The following MAP3K9 variants were observed in gnomAD, a reference collection of about 807,000 sequenced individuals.
MAP3K9 encodes the protein mitogen-activated protein kinase kinase kinase 9.
In MAP3K9, 46 loss-of-function variants were observed where a neutral mutation model predicts 95.8. That is an observed-to-expected ratio of 0.48 (90% CI 0.38 to 0.61). The LOEUF is 0.61. Ranked by LOEUF, MAP3K9 falls within the 20% of genes least tolerant of loss-of-function variation. MAP3K9 has a pLI of 0.00. For missense variants in MAP3K9, 1,296 were observed against 1,474.3 expected (o/e 0.88, Z 1.98); for synonymous variants, 533 against 593.8 (o/e 0.90, Z 1.49).
At chr14:70,776,997 AT>A (rs1407000167) in intron 2 of MAP3K9, among the ~76,000 whole-genome samples, 1 of 151,866 alleles carries the variant, frequency 6.6e-6, no homozygotes, top group African/African-American at 2.4e-5. Context: ...CACCCGGCTA[AT>A]TTTTCTATTT....
chr14:70,784,031 C>T, intron 2 of MAP3K9, among the ~76,000 whole-genome samples: 1 of 152,004 alleles, frequency 6.6e-6, no homozygotes, highest in East Asian at 1.9e-4. Context: ...CGCCTGTAAT[C>T]CCAGCACTTT....
intron 2 of MAP3K9, among the ~76,000 whole-genome samples, chr14:70,779,810 G>C (rs915033010): frequency 6.6e-6 from 1 of 152,232 alleles, no homozygotes; most frequent in Non-Finnish European, 1.5e-5. Context: ...ACGCGGCTCA[G>C]TCCTGCATTC....
At chr14:70,777,053 A>T (rs1594798557) in intron 2 of MAP3K9, among the ~76,000 whole-genome samples, 2 of 150,794 alleles carry the variant, frequency 1.3e-5, no homozygotes, top group African/African-American at 4.9e-5. Context: ...CTGGTCTCGA[A>T]CTCCTTACCT....
intron 5 of MAP3K9, among the ~76,000 whole-genome samples, chr14:70,745,203 G>A (rs899360746): frequency 5.3e-5 from 8 of 152,028 alleles, no homozygotes; most frequent in Non-Finnish European, 1.2e-4. Context: ...TTCTGTGGTC[G>A]AAACCTAACT....
At chr14:70,743,983 A>G (rs542672960) in intron 5 of MAP3K9, among the ~76,000 whole-genome samples, 28 of 152,368 alleles carry the variant, frequency 1.8e-4, no homozygotes, top group Non-Finnish European at 2.4e-4. Flanking sequence ...AGACTGGATA[A>G]AGAAAATGTG....
chr14:70,795,337 C>T (rs1389416295), intron 2 of MAP3K9, among the ~76,000 whole-genome samples: 1 of 150,136 alleles, frequency 6.7e-6, no homozygotes, highest in Non-Finnish European at 1.5e-5. Context: ...GAGATAGAGT[C>T]TCACTCTGTC....
At chr14:70,758,503 G>A (rs1330919106) in intron 3 of MAP3K9, among the ~76,000 whole-genome samples, 1 of 152,126 alleles carries the variant, frequency 6.6e-6, no homozygotes, top group Non-Finnish European at 1.5e-5. Flanking sequence ...TCCTCAAAAA[G>A]TTAAACATAG....
In MAP3K9 at chr14:70,809,374, G is replaced by A; in HGVS notation, c.-203C>T. 1.7e-6 allele frequency: 1 copy of A among 590,934 alleles called. No individual in the cohort carries two copies. Among genetic ancestry groups the A allele is most frequent in the Non-Finnish European group, 2.5e-6 (1 of 405,674 alleles). 36.6% of individuals were successfully genotyped at this position (590,934 alleles called of 1,614,324 possible). On this transcript the variant is annotated 5_prime_UTR_variant, in exon 1 of 12. Transcript: ENST00000554752. Reference sequence around the variant, plus strand: ...GAAGAGCGCCGAGCGCGAGCTCTTCGCGCAGCCTAGGGGCGCAGCGGGCCG... The same window carrying A: ...GAAGAGCGCCGAGCGCGAGCTCTTCACGCAGCCTAGGGGCGCAGCGGGCCG...
At chr14:70,805,408 TAA>T (rs747662777) in intron 1 of MAP3K9, among the ~76,000 whole-genome samples, 60 of 152,226 alleles carry the variant, frequency 3.9e-4, no homozygotes, top group Non-Finnish European at 8.2e-4. Flanking sequence ...TCTCCCAAGA[TAA>T]TGAGTTTGGA....
In MAP3K9 at chr14:70,756,249, A is replaced by G. The variant is rs566030395; in HGVS notation, c.1001+4753T>C. Among the ~76,000 whole-genome samples the G allele has an allele frequency of 2.0e-4, 30 of 152,318 alleles. No individual in the cohort carries two copies. The East Asian group carries it at 5.8e-3, about 29-fold the overall frequency. On this transcript the variant is annotated intron_variant, in intron 3 of 11. Transcript: ENST00000554752. ...GGAAGGTACGAAGGTACTTGGATACATGACACAACTCTGTCCAAATCGTCA... is the reference window on the plus strand; with the variant it reads ...GGAAGGTACGAAGGTACTTGGATACGTGACACAACTCTGTCCAAATCGTCA...
intron 5 of MAP3K9, among the ~76,000 whole-genome samples, chr14:70,747,299 T>C (rs2054161009): frequency 6.6e-6 from 1 of 152,162 alleles, no homozygotes; most frequent in African/African-American, 2.4e-5. Context: ...GTTCTCGTAA[T>C]AGTGAGTTAG....
rs764245442 is a variant in MAP3K9 at position 70,748,887 on chromosome 14, T to G, written c.1268A>C (p.Gln423Pro). The change falls in exon 5 of 12, where the codon CAG (glutamine) becomes CCG (proline). Residue 423 changes from glutamine to proline, a missense_variant. Gln to Pro is a moderately conservative substitution (Grantham distance 76). This residue lies in a region of MAP3K9 where 136 missense variants were observed against 221.5 expected (regional missense o/e 0.61). Coordinates refer to ENST00000554752, the MANE Select transcript of MAP3K9 (RefSeq NM_001284230.2). ...CTGAATCTCGTGTTTCCAGTTGTCC[T>G]GCAGGCAGTGGAAGGAGTCCTTGGG... ...EMPKDSFHCL[Q>P]DNWKHEIQEM... is the part of the protein sequence containing the mutation. 1 of 1,614,194 alleles carries G rather than the reference T, an allele frequency of 6.2e-7. No homozygotes were observed. The highest frequency in any genetic ancestry group is 8.5e-7 in the Non-Finnish European group (1 of 1,180,010).
At chr14:70,732,140 G>A (rs764454177) in intron 11 of MAP3K9, among the ~76,000 whole-genome samples, 9 of 152,174 alleles carry the variant, frequency 5.9e-5, no homozygotes, top group Non-Finnish European at 1.2e-4. Flanking sequence ...AGAAAATACT[G>A]CTCCCACATG....
rs1000218529 is a variant in MAP3K9, at chr14:70,787,566, G to T, written c.820+13101C>A. Among the ~76,000 whole-genome samples the T allele has an allele frequency of 2.0e-5, 3 of 151,642 alleles. No homozygotes were observed. In the South Asian group the frequency reaches 6.2e-4, roughly 32 times the overall value. ...CATCCTGATGCCCACCTGCTGCAAT[G>T]GGCCCCACTCCCAAACCTGCTCCAA... On this transcript the variant is annotated intron_variant, in intron 2 of 11. Coordinates refer to ENST00000554752, the MANE Select transcript of MAP3K9 (RefSeq NM_001284230.2).
intron 7 of MAP3K9, among the ~76,000 whole-genome samples, chr14:70,738,749 GA>G (rs2054022036): frequency 2.6e-5 from 4 of 152,170 alleles, no homozygotes; most frequent in African/African-American, 9.6e-5. Context: ...GGTAAGGGGG[GA>G]AAAAAGACAA....
At chr14:70,777,829 A>G in intron 2 of MAP3K9, among the ~76,000 whole-genome samples, 1 of 152,204 alleles carries the variant, frequency 6.6e-6, no homozygotes, top group East Asian at 1.9e-4. Context: ...CATAACCAAC[A>G]TCCAAGACCA....
Position 70,808,837 on chromosome 14 carries a change from G to T in MAP3K9, c.335C>A (p.Thr112Asn). The T allele has an allele frequency of 1.3e-6, 2 of 1,599,220 alleles. No homozygotes were observed. Among genetic ancestry groups the T allele is most frequent in the African/African-American group, 1.3e-5 (1 of 74,570 alleles). The change falls in exon 1 of 12, where the codon ACC (threonine) becomes AAC (asparagine). Residue 112 changes from threonine to asparagine, a missense_variant. Thr to Asn is a moderately conservative substitution (Grantham distance 65, BLOSUM62 0). This residue lies in a region of MAP3K9 where 338 missense variants were observed against 363.4 expected (regional missense o/e 0.93). Transcript: ENST00000554752. ...GCGGCTGGAGAAGGCGCTGCGCGGGGTCACGTAGTTGCTGGGGAAGATGCC... is the reference window on the plus strand; with the variant it reads ...GCGGCTGGAGAAGGCGCTGCGCGGGTTCACGTAGTTGCTGGGGAAGATGCC... ...RVGIFPSNYV[T>N]PRSAFSSRCQ...
At chr14:70,785,072 A>G (rs2054730428) in intron 2 of MAP3K9, among the ~76,000 whole-genome samples, 1 of 152,116 alleles carries the variant, frequency 6.6e-6, no homozygotes. Flanking sequence ...CAGAAAGAAA[A>G]CCATGCAAGC....
chr14:70,775,928 C>T (rs2139814583), intron 2 of MAP3K9, among the ~76,000 whole-genome samples: 1 of 152,304 alleles, frequency 6.6e-6, no homozygotes, highest in African/African-American at 2.4e-5. Context: ...GTGGCTCAAG[C>T]CTGTAATCCG....
Sources: allele counts gnomAD v4.1 joint callset (sites outside exome capture counted in the v4.1 genomes callset), GRCh38; gene constraint gnomAD v4.1.1; regional missense constraint gnomAD v4.1.1; transcripts MANE v1.5; gene names NCBI Gene and HGNC (gene_info 2026-07-23, HGNC 2026-07-21).